The following ATP8B4 variants were observed in gnomAD, a reference collection of about 807,000 sequenced individuals.
ATP8B4 encodes the protein probable phospholipid-transporting ATPase IM.
Under a neutral mutation model 145.6 loss-of-function variants are expected in ATP8B4, and 133 were observed. That is an observed-to-expected ratio of 0.91 (90% confidence interval 0.79 to 1.05). ATP8B4 has a LOEUF of 1.05. Among genes scored for constraint, ATP8B4 ranks in the 50% least tolerant of loss-of-function variants. The pLI is 0.00. For missense variants in ATP8B4, 1,458 were observed against 1,425.2 expected, an observed-to-expected ratio of 1.02 and a Z score of -0.37; for synonymous variants, 507 against 492.9, an observed-to-expected ratio of 1.03 and a Z score of -0.38.
chr15:50,126,084 T>C (rs1462903395), intron 1 of ATP8B4, among the ~76,000 whole-genome samples: 1 of 152,162 alleles, frequency 6.6e-6, no homozygotes, highest in Non-Finnish European at 1.5e-5. Flanking sequence ...GTGTCCCTTG[T>C]CCAAACAGGC....
intron 1 of ATP8B4, among the ~76,000 whole-genome samples, chr15:50,160,278 T>C (rs2044497227): frequency 6.6e-6 from 1 of 151,792 alleles, no homozygotes; most frequent in African/African-American, 2.4e-5. Context: ...TTGGTCGTCT[T>C]TTTTTATTTT....
At chr15:49,978,739 T>TACACAC (rs60436585) in intron 12 of ATP8B4, among the ~76,000 whole-genome samples, 7,396 of 122,742 alleles carry the variant, frequency 0.06, 299 homozygotes, top group East Asian at 0.099. Flanking sequence ...CTTTATCAAA[T>TACACAC]ACACACACAC....
intron 1 of ATP8B4, among the ~76,000 whole-genome samples, chr15:50,160,240 A>G (rs2044496519): frequency 6.6e-6 from 1 of 151,498 alleles, no homozygotes; most frequent in African/African-American, 2.4e-5. Flanking sequence ...ATTGGTTGAA[A>G]TGTCTTCTTT....
chr15:50,040,279 C>CA (rs1347537438), intron 5 of ATP8B4, among the ~76,000 whole-genome samples: 1 of 152,232 alleles, frequency 6.6e-6, no homozygotes, highest in Non-Finnish European at 1.5e-5. Flanking sequence ...GCTGCTTCCA[C>CA]AGATAGCCAC....
chr15:50,041,004 TTAAGTCA>T (rs2051238116), intron 5 of ATP8B4, among the ~76,000 whole-genome samples: 1 of 152,224 alleles, frequency 6.6e-6, no homozygotes, highest in Admixed American at 6.5e-5. Context: ...ATTTGAGAAG[TTAAGTCA>T]TTTGCCTCAT....
intron 20 of ATP8B4, among the ~76,000 whole-genome samples, chr15:49,902,534 T>C (rs1177431531): frequency 6.6e-6 from 1 of 152,120 alleles, no homozygotes; most frequent in Non-Finnish European, 1.5e-5. Context: ...AACCCAGAGG[T>C]CACATGGTTC....
At chr15:49,983,948 C>T (rs550977657) in intron 10 of ATP8B4, among the ~76,000 whole-genome samples, 4 of 152,352 alleles carry the variant, frequency 2.6e-5, no homozygotes, top group Admixed American at 1.3e-4. Context: ...TACTGAAAAT[C>T]ATATGAGTGA....
At chr15:50,098,458 ATT>A (rs2056136057) in intron 2 of ATP8B4, among the ~76,000 whole-genome samples, 1 of 150,986 alleles carries the variant, frequency 6.6e-6, no homozygotes, top group Non-Finnish European at 1.5e-5. Flanking sequence ...CTAATTTTTA[ATT>A]TTTTGCAGAG....
intron 14 of ATP8B4, among the ~76,000 whole-genome samples, chr15:49,960,364 C>T (rs1276493839): frequency 3.3e-5 from 5 of 151,982 alleles, no homozygotes; most frequent in South Asian, 4.2e-4. Context: ...CTAACATATG[C>T]CAGAAAGAAA....
chr15:50,150,815 T>G lies in ATP8B4; in HGVS notation c.-43+31446A>C, dbSNP rs2044337843. On this transcript the variant is annotated intron_variant, in intron 1 of 3. Transcript: ENST00000558829. ...TAATAGTAATATGACAATTCTAATT[T>G]GCATAATGGTTTTGAGACATGAACC... Among the ~76,000 whole-genome samples the G allele has an allele frequency of 3.3e-5, 5 of 152,224 alleles. No homozygotes were observed. In the South Asian group the frequency reaches 1.0e-3, roughly 31 times the overall value.
chr15:49,987,209 T>G (rs1473927553), intron 10 of ATP8B4, among the ~76,000 whole-genome samples, 182 bp downstream of exon 10: 2 of 152,202 alleles, frequency 1.3e-5, no homozygotes, highest in Non-Finnish European at 2.9e-5. Context: ...AGGGGCCACC[T>G]GGACTATTTT....
chr15:50,080,111 C>CAA lies in ATP8B4; in HGVS notation c.29-5928_29-5927dup, dbSNP rs1393422396. On this transcript the variant is annotated intron_variant, in intron 2 of 27. Transcript: ENST00000284509. ...ATAGAAAAATAGATAAGTAAGCCTT[C>CAA]AAAGTGCTACTCCATATAGGATGAC... is the stretch of plus-strand genomic sequence containing the variant. 2.0e-5 allele frequency among the ~76,000 whole-genome samples: 3 copies of CAA among 152,156 alleles called. No homozygotes were observed. The East Asian group carries it at 5.8e-4, about 29-fold the overall frequency.
chr15:49,916,898 G>A (rs371268574), intron 20 of ATP8B4, 36 bp downstream of exon 20: 43 of 1,571,396 alleles, frequency 2.7e-5, no homozygotes, highest in Middle Eastern at 1.7e-4. Flanking sequence ...CCTCCCTCTC[G>A]TCCTTCCATC....
intron 3 of ATP8B4, among the ~76,000 whole-genome samples, chr15:50,065,076 T>C (rs1056217266): frequency 1.3e-5 from 2 of 152,258 alleles, no homozygotes; most frequent in East Asian, 1.9e-4. Context: ...CATTTGATAA[T>C]TGCTATGAGA....
At chr15:50,167,689 A>T (rs1567416004) in intron 1 of ATP8B4, among the ~76,000 whole-genome samples, 1 of 152,212 alleles carries the variant, frequency 6.6e-6, no homozygotes. Flanking sequence ...ACTAGGAATC[A>T]GAAAATTTGG....
At chr15:49,902,618 G>A (rs1159326953) in intron 20 of ATP8B4, among the ~76,000 whole-genome samples, 1 of 152,228 alleles carries the variant, frequency 6.6e-6, no homozygotes, top group Non-Finnish European at 1.5e-5. Context: ...AGAGTGCTAT[G>A]TGTGAAATTT....
chr15:49,951,050 G>A (rs1357127456), intron 14 of ATP8B4, among the ~76,000 whole-genome samples: 1 of 147,670 alleles, frequency 6.8e-6, no homozygotes, highest in Admixed American at 6.7e-5. Context: ...ATTGCACTGT[G>A]GTCTGAGAGA....
chr15:49,860,442 TTGCCTTCTTTTG>T lies in ATP8B4; in HGVS notation c.3319_3330del (p.Gln1107_Ala1110del). ...CGAGGCCTTCGGCTACTTGGAGGCC[TTGCCTTCTTTTG>T]AGCCTTCTGCCACCGGCGGATCTGG... On this transcript the variant is annotated inframe_deletion, in exon 28 of 28. Transcript: ENST00000284509. The T allele has an allele frequency of 6.2e-7, 1 of 1,612,898 alleles. No homozygotes were observed. The highest frequency in any genetic ancestry group is 8.5e-7 in the Non-Finnish European group (1 of 1,179,690).
At chr15:49,974,169 G>A (rs1368453831) in intron 12 of ATP8B4, among the ~76,000 whole-genome samples, 3 of 143,356 alleles carry the variant, frequency 2.1e-5, no homozygotes, top group African/African-American at 7.9e-5. Context: ...TGCAACTTCC[G>A]CCTCCCTGGT....
Sources: allele counts gnomAD v4.1 joint callset (sites outside exome capture counted in the v4.1 genomes callset), GRCh38; gene constraint gnomAD v4.1.1; transcripts MANE v1.5; gene names NCBI Gene and HGNC (gene_info 2026-07-23, HGNC 2026-07-21).